The following ACACB variants were observed in gnomAD, a reference collection of about 807,000 sequenced individuals.
The protein encoded by ACACB is acetyl-CoA carboxylase 2.
A neutral mutation model predicts 278.8 loss-of-function variants in ACACB; 209 were observed. That is an observed-to-expected ratio of 0.75 (90% CI 0.67 to 0.84). The LOEUF (loss-of-function observed/expected upper bound fraction) is 0.84. ACACB is among the 40% of genes least tolerant of loss of function. The pLI is 0.00. For missense variants in ACACB, 2,850 were observed against 3,269.0 expected, an observed-to-expected ratio of 0.87 and a Z score of 3.13; for synonymous variants, 1,174 against 1,285.6, an observed-to-expected ratio of 0.91 and a Z score of 1.86.
intron 2 of ACACB, among the ~76,000 whole-genome samples, chr12:109,161,810 A>T (rs2043734369): frequency 6.6e-6 from 1 of 151,984 alleles, no homozygotes; most frequent in African/African-American, 2.4e-5. Context: ...CAAAATTAAT[A>T]GCTTTTTTCT....
At chr12:109,180,501 A>T (rs1326244239) in intron 11 of ACACB, among the ~76,000 whole-genome samples, 1 of 152,214 alleles carries the variant, frequency 6.6e-6, no homozygotes, top group Non-Finnish European at 1.5e-5. Context: ...TTCAGAGGCA[A>T]TATCATCCCT....
intron 7 of ACACB, among the ~76,000 whole-genome samples, chr12:109,175,036 T>C (rs1361443033): frequency 6.6e-6 from 1 of 152,236 alleles, no homozygotes; most frequent in Non-Finnish European, 1.5e-5. Flanking sequence ...GGTTAAACAA[T>C]TTAGGTTGTT....
rs2044509442 is a variant in ACACB, at chr12:109,182,429, A to G, written c.1818+2342A>G. Among the ~76,000 whole-genome samples the G allele has an allele frequency of 2.0e-5, 3 of 152,154 alleles. No individual in the cohort carries two copies. The South Asian group carries it at 6.2e-4, about 32-fold the overall frequency. On this transcript the variant is annotated intron_variant, in intron 11 of 52. Coordinates refer to ENST00000338432, the MANE Select transcript of ACACB (RefSeq NM_001093.4). ...GTTGCCCAGGCAGGAATGCAGTGGC[A>G]TGATCATGGCTCACTGCAGTCTTGA...
chr12:109,136,513 G>A (rs1473275385), intron 1 of ACACB, among the ~76,000 whole-genome samples: 1 of 151,974 alleles, frequency 6.6e-6, no homozygotes, highest in African/African-American at 2.4e-5. Context: ...TTCCTAGGTA[G>A]GAAACAAGTG....
chr12:109,170,862 G>A (rs985517948), intron 4 of ACACB, among the ~76,000 whole-genome samples: 4 of 151,620 alleles, frequency 2.6e-5, no homozygotes, highest in African/African-American at 9.7e-5. Context: ...TTTGAGACAG[G>A]GCCTTGCTCT....
intron 1 of ACACB, among the ~76,000 whole-genome samples, chr12:109,132,730 G>A (rs1225233000): frequency 6.6e-6 from 1 of 152,162 alleles, no homozygotes; most frequent in East Asian, 1.9e-4. Flanking sequence ...GTTCTTGTGT[G>A]GGGTGACCTT....
intron 9 of ACACB, among the ~76,000 whole-genome samples, chr12:109,177,513 T>TA (rs1351129954): frequency 6.6e-6 from 1 of 152,226 alleles, no homozygotes; most frequent in African/African-American, 2.4e-5. Context: ...GAATGTTGTA[T>TA]AAAGCAGCAG....
chr12:109,216,219 CTTT>C (rs1194453989), intron 22 of ACACB, among the ~76,000 whole-genome samples: 2 of 128,142 alleles, frequency 1.6e-5, no homozygotes, highest in Admixed American at 8.1e-5. Context: ...CTCTCTCTCT[CTTT>C]TTTTTTTTTT....
intron 7 of ACACB, 108 bp from the exon 8 acceptor site, chr12:109,175,823 A>C: frequency 1.1e-6 from 1 of 891,242 alleles, no homozygotes; most frequent in Non-Finnish European, 1.8e-6. Context: ...CCGCTGGTCC[A>C]GAAGCCCAGG....
At chr12:109,171,608 C>A (rs922960801) in intron 4 of ACACB, among the ~76,000 whole-genome samples, 197 bp from the exon 5 acceptor site, 2 of 152,232 alleles carry the variant, frequency 1.3e-5, no homozygotes, top group African/African-American at 2.4e-5. Context: ...CCTCGGCCTC[C>A]CAAAGTGCTG....
the ACACB span, chr12:109,111,470 C>T: frequency 6.6e-6 from 1 of 152,116 alleles, no homozygotes; most frequent in South Asian, 2.1e-4. Flanking sequence ...AGCCCAGGCT[C>T]AGGTAGTGGG....
At chr12:109,193,365 A>G (rs2044965227) in intron 15 of ACACB, among the ~76,000 whole-genome samples, 1 of 151,940 alleles carries the variant, frequency 6.6e-6, no homozygotes, top group African/African-American at 2.4e-5. Flanking sequence ...TGACAGCTGC[A>G]TGCCACCACG....
chr12:109,212,911 C>A lies in ACACB; in HGVS notation c.3325C>A (p.Gln1109Lys), dbSNP rs759510702. The change falls in exon 22 of 53, where the codon CAG becomes AAG. Residue 1109 changes from glutamine to lysine, a missense_variant. Transcript: ENST00000338432. Reference sequence around the variant, plus strand: ...TCGAGAGGTCTTCTTCATCAACACCCAGAGCATCGTGCAGTTGGTCCAGAG... The same window carrying A: ...TCGAGAGGTCTTCTTCATCAACACCAAGAGCATCGTGCAGTTGGTCCAGAG... ...ADREVFFINT[Q>K]SIVQLVQRYR... The A allele has an allele frequency of 3.1e-6, 5 of 1,614,142 alleles. No individual in the cohort carries two copies. The highest frequency in any genetic ancestry group is 3.4e-6 in the Non-Finnish European group (4 of 1,179,988).
chr12:109,204,223 G>A (rs1449514358), intron 19 of ACACB, among the ~76,000 whole-genome samples: 1 of 149,186 alleles, frequency 6.7e-6, no homozygotes, highest in Non-Finnish European at 1.5e-5. Context: ...ATGTACAGTC[G>A]ATTTTAATTG....
rs553109112 is a variant in ACACB at position 109,209,249 on chromosome 12, G to T, written c.3145G>T (p.Val1049Leu). 5.6e-6 allele frequency: 9 copies of T among 1,611,440 alleles called. No homozygotes were observed. In the African/African-American group the frequency reaches 9.3e-5, roughly 17 times the overall value. Residue 1049 changes from valine (V) to leucine (L), a missense_variant, in exon 21 of 53, where the codon GTG becomes TTG. This residue lies in a region of ACACB where 2,265 missense variants were observed against 2,561.3 expected (regional missense o/e 0.88). Transcript: ENST00000338432. ...LLELQEIMTS[V>L]AGRIPAPVEK... Reference sequence around the variant, plus strand: ...GGAGCTGCAGGAGATCATGACCAGCGTGGCAGGCCGCATCCCCGCCCCTGT... The same window carrying T: ...GGAGCTGCAGGAGATCATGACCAGCTTGGCAGGCCGCATCCCCGCCCCTGT...
rs763388361 is a variant in ACACB at position 109,222,538 on chromosome 12, C to T, written c.3596C>T (p.Ser1199Leu). The change falls in exon 25 of 53, where the codon TCG becomes TTG. Residue 1199 changes from serine (S) to leucine (L), a missense_variant. Physicochemically the swap from Ser to Leu is moderately radical, Grantham distance 145 (BLOSUM62 -2). This residue lies in a region of ACACB where 2,265 missense variants were observed against 2,561.3 expected (regional missense o/e 0.88). Transcript: ENST00000338432. ...DELCGPDPSLSDELISILNEL... is the reference protein window; with the variant it reads ...DELCGPDPSLLDELISILNEL... Reference sequence around the variant, plus strand: ...CTGTGTGGCCCAGACCCTTCCCTGTCGGACGAGCTGATCTCCATCCTCAAC... The same window carrying T: ...CTGTGTGGCCCAGACCCTTCCCTGTTGGACGAGCTGATCTCCATCCTCAAC... The T allele has an allele frequency of 1.5e-5, 24 of 1,614,030 alleles. No individual in the cohort carries two copies. The highest frequency in any genetic ancestry group is 6.7e-5 in the Admixed American group (4 of 60,006).
chr12:109,151,929 G>A (rs1443702467), intron 2 of ACACB, among the ~76,000 whole-genome samples: 1 of 152,196 alleles, frequency 6.6e-6, no homozygotes, highest in Non-Finnish European at 1.5e-5. Context: ...ACTGCAATTA[G>A]TTTTGCACCG....
At chr12:109,183,682 G>A (rs1033455776) in intron 11 of ACACB, among the ~76,000 whole-genome samples, 34 of 151,950 alleles carry the variant, frequency 2.2e-4, no homozygotes, top group African/African-American at 8.0e-4. Flanking sequence ...TTTTTTGGTG[G>A]ATTCTTTAGG....
rs181464188 is a variant in ACACB at position 109,233,781 on chromosome 12, C to G, written c.4173C>G (p.Asn1391Lys). The G allele has an allele frequency of 1.9e-6, 3 of 1,614,038 alleles. No homozygotes were observed. The highest frequency in any genetic ancestry group is 3.3e-5 in the Admixed American group (2 of 60,008). The change falls in exon 30 of 53, where the codon AAC (asparagine) becomes AAG (lysine). Residue 1391 changes from asparagine (N) to lysine (K), a missense_variant. By Grantham distance (94) the Asn-to-Lys change is moderately conservative. Coordinates refer to ENST00000338432, the MANE Select transcript of ACACB (RefSeq NM_001093.4). Reference protein sequence around the residue: ...NFDEVISCFANVPKDTPLFSE... With the variant: ...NFDEVISCFAKVPKDTPLFSE... ...ATGAAGTCATCTCTTGCTTCGCCAACGTGCCCAAAGACACCCCCCTCTTCA... is the reference window on the plus strand; with the variant it reads ...ATGAAGTCATCTCTTGCTTCGCCAAGGTGCCCAAAGACACCCCCCTCTTCA...
Sources: gnomAD v4.1 joint callset for allele counts (sites outside exome capture counted in the v4.1 genomes callset) on GRCh38, gnomAD v4.1.1 for gene constraint, gnomAD v4.1.1 regional missense constraint, MANE v1.5 for transcripts, NCBI Gene and HGNC (gene_info 2026-07-23, HGNC 2026-07-21) for gene names.